Variants in PCBD2 observed in about 807,000 individuals in gnomAD.
The protein encoded by PCBD2 is pterin-4 alpha-carbinolamine dehydratase 2, also known as pterin-4-alpha-carbinolamine dehydratase 2.
PCBD2 carries 12 observed loss-of-function variants against 16.4 expected under a neutral mutation model. The observed-to-expected ratio is 0.73, with a 90% CI of 0.47 to 1.19. The LOEUF (loss-of-function observed/expected upper bound fraction) is 1.19. PCBD2 is among the 50% of genes most tolerant of loss of function. PCBD2 has a pLI of 0.00. For synonymous variants in PCBD2, 58 were observed against 61.8 expected, an observed-to-expected ratio of 0.94 and a Z score of 0.29; for missense variants, 138 against 156.8, an observed-to-expected ratio of 0.88 and a Z score of 0.64.
intron 2 of PCBD2, among the ~76,000 whole-genome samples, chr5:134,939,885 A>C (rs1264257508): frequency 6.6e-6 from 1 of 152,030 alleles, no homozygotes; most frequent in East Asian, 1.9e-4. Flanking sequence ...CTTCCTAAAC[A>C]ATGTAATTGC....
chr5:134,956,143 C>T (rs540729070), intron 2 of PCBD2, among the ~76,000 whole-genome samples: 4 of 152,180 alleles, frequency 2.6e-5, no homozygotes, highest in South Asian at 2.1e-4. Flanking sequence ...TTATTTTCCC[C>T]GGGGAAGAAT....
At chr5:134,932,393 A>T (rs761190416) in intron 2 of PCBD2, among the ~76,000 whole-genome samples, 1 of 151,762 alleles carries the variant, frequency 6.6e-6, no homozygotes. Flanking sequence ...CCAGGCTGGA[A>T]TGCAGTGGTG....
intron 2 of PCBD2, among the ~76,000 whole-genome samples, chr5:134,944,385 C>T (rs536704757): frequency 6.6e-6 from 1 of 152,212 alleles, no homozygotes; most frequent in East Asian, 1.9e-4. Context: ...CCCTAGGAGA[C>T]GTTGGTTAAT....
At chr5:134,912,726 C>G (rs540200274) in intron 2 of PCBD2, among the ~76,000 whole-genome samples, 3 of 152,264 alleles carry the variant, frequency 2.0e-5, no homozygotes, top group Admixed American at 6.5e-5. Flanking sequence ...CTTCATCCAT[C>G]ATGGTCACAG....
At position 134,933,183 on chromosome 5, in the gene PCBD2, T is replaced by C. The variant is rs149827304; in HGVS notation, c.216+22717T>C. Among the ~76,000 whole-genome samples, 1,056 of 152,328 alleles carry C rather than the reference T, an allele frequency of 6.9e-3. 13 individuals carry two copies. Among genetic ancestry groups the C allele is most frequent in the African/African-American group, 0.024 (986 of 41,570 alleles). ...TAGATATTTTTGGTCAGTTGCTTCT[T>C]TCATTTCATGTATAGTGAATATTTT... On this transcript the variant is annotated intron_variant, in intron 2 of 3. Transcript: ENST00000254908.
rs1750933512 is a variant in PCBD2 at position 134,923,523 on chromosome 5, G to A, written c.216+13057G>A. 13 of 295,718 alleles carry A rather than the reference G, an allele frequency of 4.4e-5. No homozygotes were observed. The East Asian group carries it at 7.3e-4, about 17-fold the overall frequency. The allele number at this position is 295,718 out of a possible 1,614,324, so 18.3% of individuals were successfully genotyped here. ...GATAAAGTGAAAGGTAAAGAACCGT[G>A]TGAGGGTGGGACTATCTACTGAGTA... is the stretch of plus-strand genomic sequence containing the variant. On this transcript the variant is annotated intron_variant, in intron 2 of 3. Transcript: ENST00000254908.
At chr5:134,912,423 A>T in intron 2 of PCBD2, among the ~76,000 whole-genome samples, 1 of 152,184 alleles carries the variant, frequency 6.6e-6, no homozygotes, top group Non-Finnish European at 1.5e-5. Flanking sequence ...TGTGAGGGAG[A>T]GTGCACACCA....
At chr5:134,960,216 G>T (rs1394636278) in intron 3 of PCBD2, among the ~76,000 whole-genome samples, 1 of 152,082 alleles carries the variant, frequency 6.6e-6, no homozygotes, top group African/African-American at 2.4e-5. Flanking sequence ...ACATTTGATA[G>T]CTTGGTTTTT....
At chr5:134,914,223 C>A (rs142299071) in intron 2 of PCBD2, among the ~76,000 whole-genome samples, 1 of 152,052 alleles carries the variant, frequency 6.6e-6, no homozygotes, top group Non-Finnish European at 1.5e-5. Flanking sequence ...AAAAAGAGGG[C>A]CATTCTCTCC....
chr5:134,924,160 T>C (rs1172394091), intron 2 of PCBD2: 1 of 397,474 alleles, frequency 2.5e-6, no homozygotes, highest in Non-Finnish European at 4.5e-6. Flanking sequence ...GTGGGTTTAG[T>C]AATGGGGTTT....
intron 2 of PCBD2, among the ~76,000 whole-genome samples, chr5:134,958,379 C>T (rs984954277): frequency 3.3e-5 from 5 of 152,350 alleles, no homozygotes; most frequent in African/African-American, 1.2e-4. Flanking sequence ...CAGCCCTCTG[C>T]TCATTTCCTG....
intron 2 of PCBD2, chr5:134,924,896 A>T: frequency 2.6e-6 from 1 of 390,564 alleles, no homozygotes; most frequent in African/African-American, 2.1e-5. Context: ...ATATTAGAGA[A>T]GTAAAATGTA....
intron 3 of PCBD2, 45 bp from the exon 4 acceptor site, chr5:134,960,541 T>C: frequency 7.4e-7 from 1 of 1,353,980 alleles, no homozygotes; most frequent in Non-Finnish European, 1.0e-6. Flanking sequence ...AAAATAACCA[T>C]GATTTGCTGC....
chr5:134,931,401 A>G (rs997000104), intron 2 of PCBD2, among the ~76,000 whole-genome samples: 1 of 152,220 alleles, frequency 6.6e-6, no homozygotes, highest in Non-Finnish European at 1.5e-5. Flanking sequence ...GTGACAGATT[A>G]GAGGGTTACA....
At chr5:134,959,440 A>G (rs898076840) in intron 3 of PCBD2, among the ~76,000 whole-genome samples, 6 of 152,248 alleles carry the variant, frequency 3.9e-5, no homozygotes, top group African/African-American at 1.2e-4. Context: ...ATTGAAAGAA[A>G]TGGTAGCAAA....
intron 2 of PCBD2, among the ~76,000 whole-genome samples, chr5:134,931,813 G>C (rs1751102403): frequency 6.6e-6 from 1 of 152,216 alleles, no homozygotes; most frequent in Non-Finnish European, 1.5e-5. Flanking sequence ...GTTTATTTTG[G>C]AGTGCTTAAA....
intron 2 of PCBD2, chr5:134,925,288 G>C (rs1580883063): frequency 7.5e-6 from 3 of 398,546 alleles, no homozygotes; most frequent in Non-Finnish European, 1.3e-5. Context: ...GTGGTCTTTG[G>C]AGTAGAAACC....
At chr5:134,948,716 A>G (rs574349687) in intron 2 of PCBD2, among the ~76,000 whole-genome samples, 2 of 118,990 alleles carry the variant, frequency 1.7e-5, no homozygotes, top group Non-Finnish European at 3.4e-5. Context: ...TAGTGACTTG[A>G]AGCTTTTTTT....
chr5:134,911,499 A>G (rs1173348245), intron 2 of PCBD2, among the ~76,000 whole-genome samples: 1 of 152,126 alleles, frequency 6.6e-6, no homozygotes, highest in Non-Finnish European at 1.5e-5. Context: ...TATTGTTTTT[A>G]TTTATATTGG....
Sources: allele counts gnomAD v4.1 joint callset (sites outside exome capture counted in the v4.1 genomes callset), GRCh38; gene constraint gnomAD v4.1.1; transcripts MANE v1.5; gene names NCBI Gene and HGNC (gene_info 2026-07-23, HGNC 2026-07-21).